Variants in PEMT observed in about 807,000 individuals in gnomAD.
The protein encoded by PEMT is phospholipid methyltransferase.
PEMT carries 23 observed loss-of-function variants against 27.4 expected under a neutral mutation model. The ratio of observed to expected loss-of-function variants is 0.84; its 90% CI spans 0.60 to 1.19. The LOEUF (loss-of-function observed/expected upper bound fraction) is 1.19. Ranked by LOEUF, PEMT falls within the 50% of genes most tolerant of loss-of-function variation. The pLI, the probability that PEMT is intolerant of heterozygous loss-of-function variation, is 0.00. For synonymous variants in PEMT, 137 were observed against 139.1 expected, an observed-to-expected ratio of 0.98 and a Z score of 0.11; for missense variants, 307 against 310.1, an observed-to-expected ratio of 0.99 and a Z score of 0.07.
At chr17:17,518,496 G>A (rs1410571805) in intron 3 of PEMT, among the ~76,000 whole-genome samples, 1 of 152,196 alleles carries the variant, frequency 6.6e-6, no homozygotes, top group African/African-American at 2.4e-5. Context: ...GGACTGGATG[G>A]AGCACACCTG....
intron 1 of PEMT, chr17:17,577,443 A>G: frequency 1.9e-6 from 2 of 1,044,878 alleles, no homozygotes; most frequent in Non-Finnish European, 2.3e-6. Context: ...AATTAAAACA[A>G]TAGTGGTGTG....
chr17:17,512,860 G>A lies in PEMT; in HGVS notation c.321-206C>T, dbSNP rs1358481423. Among the ~76,000 whole-genome samples the A allele has an allele frequency of 6.6e-6, 1 of 152,204 alleles. No homozygotes were observed. Among genetic ancestry groups the A allele is most frequent in the Non-Finnish European group, 1.5e-5 (1 of 68,032 alleles). Reference sequence around the variant, plus strand: ...AACAGGGAGGGGCCCAGGCCTGTCAGATTTTTAAATTTTTTCAAGAGAAGC... The same window carrying A: ...AACAGGGAGGGGCCCAGGCCTGTCAAATTTTTAAATTTTTTCAAGAGAAGC... On this transcript the variant is annotated intron_variant, in intron 3 of 6. Transcript: ENST00000255389. The surrounding 1 kb of genome is among the most constrained non-coding windows in gnomAD (Gnocchi z 6.3).
At chr17:17,554,505 C>G (rs796774047) in intron 2 of PEMT, among the ~76,000 whole-genome samples, 14 of 152,392 alleles carry the variant, frequency 9.2e-5, no homozygotes, top group African/African-American at 3.1e-4. Flanking sequence ...TTTAAGCCAG[C>G]AAACGTGAGC....
chr17:17,537,077 A>G (rs180695376), intron 2 of PEMT, among the ~76,000 whole-genome samples: 7 of 152,102 alleles, frequency 4.6e-5, no homozygotes, highest in Non-Finnish European at 1.0e-4. Flanking sequence ...CCCACTGGAG[A>G]TTTCAGGCTG....
intron 1 of PEMT, among the ~76,000 whole-genome samples, chr17:17,579,358 G>A (rs903833101): frequency 6.6e-6 from 1 of 152,194 alleles, no homozygotes; most frequent in Non-Finnish European, 1.5e-5. Flanking sequence ...TCTCACTGTA[G>A]GGCCAAGGGC....
At chr17:17,528,147 G>A (rs567852998) in intron 2 of PEMT, among the ~76,000 whole-genome samples, 27 of 152,358 alleles carry the variant, frequency 1.8e-4, no homozygotes, top group South Asian at 8.3e-4. Context: ...TTTAGAGGAC[G>A]TGGGCCGTGC....
intron 2 of PEMT, among the ~76,000 whole-genome samples, chr17:17,553,904 G>T (rs113272840): frequency 2.6e-5 from 4 of 152,166 alleles, no homozygotes; most frequent in African/African-American, 9.7e-5. Context: ...GGAACCACTC[G>T]CCCTCCCTCC....
At chr17:17,591,333 A>ACG (rs572504920) in intron 1 of PEMT, 198 bp downstream of exon 1, 226 of 563,086 alleles carry the variant, frequency 4.0e-4, no homozygotes, top group African/African-American at 3.9e-3. Flanking sequence ...TGAGGTTTAC[A>ACG]CGCGCGCGCA....
intron 2 of PEMT, among the ~76,000 whole-genome samples, chr17:17,553,089 G>A (rs1242918254): frequency 6.6e-6 from 1 of 152,194 alleles, no homozygotes; most frequent in Non-Finnish European, 1.5e-5. Flanking sequence ...GCCGGCTGGG[G>A]GATTAGGAAG....
At chr17:17,573,707 T>G (rs1911368010) in intron 2 of PEMT, among the ~76,000 whole-genome samples, 1 of 152,160 alleles carries the variant, frequency 6.6e-6, no homozygotes, top group African/African-American at 2.4e-5. Flanking sequence ...CAATCTCCTA[T>G]GGATACCCAG....
chr17:17,506,388 G>T, intron 5 of PEMT, 87 bp from the exon 6 acceptor site: 1 of 1,053,728 alleles, frequency 9.5e-7, no homozygotes, highest in Non-Finnish European at 1.4e-6. Context: ...CCTTCCTGCC[G>T]TGACCCTGGC....
At chr17:17,583,100 G>A (rs773197195) in intron 1 of PEMT, among the ~76,000 whole-genome samples, 13 of 150,832 alleles carry the variant, frequency 8.6e-5, no homozygotes, top group Non-Finnish European at 1.8e-4. Flanking sequence ...CTCTGGCCGT[G>A]CCCAGTGGCT....
chr17:17,549,798 T>C (rs1018682713), intron 2 of PEMT, among the ~76,000 whole-genome samples: 2 of 152,174 alleles, frequency 1.3e-5, no homozygotes, highest in Non-Finnish European at 2.9e-5. Context: ...AAGCAGTGCT[T>C]TTCAGGCGGG....
intron 1 of PEMT, among the ~76,000 whole-genome samples, chr17:17,588,708 G>T (rs1912448772): frequency 6.6e-6 from 1 of 152,180 alleles, no homozygotes. Context: ...GCCAGCCTGG[G>T]TGCCCGCACC....
intron 2 of PEMT, among the ~76,000 whole-genome samples, chr17:17,530,122 C>T (rs1907983958): frequency 6.6e-6 from 1 of 152,200 alleles, no homozygotes; most frequent in Non-Finnish European, 1.5e-5. Context: ...TTATTACCTA[C>T]AGGTGAGGGA....
At chr17:17,553,349 C>T (rs540636394) in intron 2 of PEMT, among the ~76,000 whole-genome samples, 1 of 152,334 alleles carries the variant, frequency 6.6e-6, no homozygotes, top group East Asian at 1.9e-4. Context: ...GGCGCCTGCA[C>T]ACTTCGGACT....
At chr17:17,529,145 G>A (rs751015205) in intron 2 of PEMT, among the ~76,000 whole-genome samples, 1 of 152,212 alleles carries the variant, frequency 6.6e-6, no homozygotes, top group Non-Finnish European at 1.5e-5. Context: ...ATATGAACAG[G>A]CGGCTCTCCG....
chr17:17,551,084 C>T (rs527444737), intron 2 of PEMT, among the ~76,000 whole-genome samples: 18 of 152,230 alleles, frequency 1.2e-4, no homozygotes, highest in African/African-American at 3.9e-4. Flanking sequence ...AGTGGGAGAA[C>T]GGGTGCAAAG....
chr17:17,583,236 C>T (rs949945643), intron 1 of PEMT, among the ~76,000 whole-genome samples: 8 of 151,890 alleles, frequency 5.3e-5, no homozygotes, highest in African/African-American at 1.7e-4. Context: ...AATAGCCAGA[C>T]GTGGTGGCAG....
Sources: allele counts gnomAD v4.1 joint callset (sites outside exome capture counted in the v4.1 genomes callset), GRCh38; gene constraint gnomAD v4.1.1; non-coding constraint Gnocchi (gnomAD v3.1); transcripts MANE v1.5; gene names NCBI Gene and HGNC (gene_info 2026-07-23, HGNC 2026-07-21).